The following DMD variants were observed in gnomAD, a reference collection of about 807,000 sequenced individuals.
DMD encodes the protein mutant dystrophin.
In DMD, 63 loss-of-function variants were observed where a neutral mutation model predicts 330.1. The observed-to-expected ratio is 0.19, with a 90% CI of 0.16 to 0.24. DMD has a LOEUF of 0.24. Ranked by LOEUF, DMD falls within the 10% of genes least tolerant of loss-of-function variation. The probability of loss-of-function intolerance (pLI) is 1.00; values close to 1 mark genes in which losing one functional copy is unlikely to be tolerated. For synonymous variants in DMD, 1,223 were observed against 959.8 expected (o/e 1.27, Z -5.07); for missense variants, 3,344 against 2,684.1 (o/e 1.25, Z -5.43).
intron 55 of DMD, among the ~76,000 whole-genome samples, chrX:31,583,205 G>A (rs2076420599): frequency 8.9e-6 from 1 of 111,908 alleles, no homozygotes; most frequent in Non-Finnish European, 1.9e-5. Flanking sequence ...GCCAAGAGGG[G>A]TACATAGGCA....
chrX:31,670,209 T>C (rs1260695661), intron 53 of DMD, among the ~76,000 whole-genome samples: 3 of 112,056 alleles, frequency 2.7e-5, no homozygotes, highest in East Asian at 5.5e-4. Flanking sequence ...CTTCAAAATT[T>C]TCTAATTACA....
chrX:32,322,966 A>G (rs1365829349), intron 41 of DMD, among the ~76,000 whole-genome samples: 3 of 112,457 alleles, frequency 2.7e-5, no homozygotes, highest in African/African-American at 9.7e-5. Flanking sequence ...GACATTTCTC[A>G]TGTGTTCCAA....
At chrX:31,556,023 T>C (rs765879193) in intron 55 of DMD, among the ~76,000 whole-genome samples, 1 of 110,982 alleles carries the variant, frequency 9.0e-6, no homozygotes, top group South Asian at 3.8e-4. Flanking sequence ...CAGAGGAAGT[T>C]TATCATAGGT....
At chrX:31,177,471 C>T (rs764995976) in intron 71 of DMD, among the ~76,000 whole-genome samples, 31 of 111,503 alleles carry the variant, frequency 2.8e-4, no homozygotes, top group African/African-American at 9.7e-4. Flanking sequence ...TACTTTAAAA[C>T]GAATTCTGCT....
chrX:32,268,274 G>C (rs779591247), intron 43 of DMD, among the ~76,000 whole-genome samples: 4 of 111,635 alleles, frequency 3.6e-5, no homozygotes, highest in Middle Eastern at 4.6e-3. Context: ...TTAGCCTAAA[G>C]TCTATCTTTG....
At chrX:32,986,263 T>G (rs1343748646) in intron 2 of DMD, among the ~76,000 whole-genome samples, 1 of 112,295 alleles carries the variant, frequency 8.9e-6, no homozygotes, top group African/African-American at 3.2e-5. Flanking sequence ...CTAAGTTAGA[T>G]AAATCAAAAC....
At chrX:31,827,125 GATAA>G (rs1048632248) in intron 49 of DMD, among the ~76,000 whole-genome samples, 7 of 111,658 alleles carry the variant, frequency 6.3e-5, no homozygotes, top group African/African-American at 1.9e-4. Context: ...ATTTAAAATG[GATAA>G]ATATTTAAGG....
chrX:33,202,762 C>A (rs1032079590), intron 1 of DMD, among the ~76,000 whole-genome samples: 6 of 111,679 alleles, frequency 5.4e-5, no homozygotes, highest in African/African-American at 6.5e-5. Context: ...TTGATTTGTA[C>A]CATGCTTTAT....
chrX:32,839,837 A>G (rs1422225159), intron 4 of DMD, among the ~76,000 whole-genome samples: 2 of 110,626 alleles, frequency 1.8e-5, no homozygotes, highest in African/African-American at 6.6e-5. Flanking sequence ...CAGCCTCATG[A>G]GTAGCTGGGA....
chrX:33,150,588 C>T (rs763607692), intron 1 of DMD, among the ~76,000 whole-genome samples: 3 of 109,718 alleles, frequency 2.7e-5, no homozygotes, highest in Non-Finnish European at 5.7e-5. Flanking sequence ...AGCCACTGCG[C>T]CTGGCCAGTA....
chrX:32,303,172 T>C (rs1301249910), intron 42 of DMD, among the ~76,000 whole-genome samples: 2 of 111,838 alleles, frequency 1.8e-5, no homozygotes, highest in Non-Finnish European at 3.8e-5. Flanking sequence ...GTCTAGATGA[T>C]TTAACTCAGT....
At chrX:31,228,621 A>G (rs1234989738) in intron 63 of DMD, among the ~76,000 whole-genome samples, 1 of 111,833 alleles carries the variant, frequency 8.9e-6, no homozygotes, top group Non-Finnish European at 1.9e-5. Context: ...GAAAGTATGT[A>G]TGCAGTTTAA....
intron 57 of DMD, among the ~76,000 whole-genome samples, chrX:31,482,564 GAAGTA>G (rs993878563): frequency 1.2e-4 from 13 of 111,250 alleles, no homozygotes; most frequent in Non-Finnish European, 2.3e-4. Flanking sequence ...ATGAAACACA[GAAGTA>G]AAGTAAGATC....
chrX:32,659,919 A>T (rs995236624), intron 9 of DMD, among the ~76,000 whole-genome samples: 4 of 110,842 alleles, frequency 3.6e-5, no homozygotes, highest in African/African-American at 1.3e-4. Context: ...GAATGGTATT[A>T]ATTCTTGGGA....
intron 41 of DMD, among the ~76,000 whole-genome samples, chrX:32,333,692 C>T (rs759514422): frequency 4.1e-4 from 45 of 111,105 alleles, no homozygotes; most frequent in African/African-American, 1.4e-3. Flanking sequence ...GCCTCTTCTC[C>T]ATTGTGGGTA....
chrX:32,742,916 G>A (rs921335209), intron 7 of DMD, among the ~76,000 whole-genome samples: 2 of 111,721 alleles, frequency 1.8e-5, no homozygotes, highest in South Asian at 3.8e-4. Flanking sequence ...AGAAACGAAG[G>A]CCAAGAGAGG....
At position 32,464,717 on chromosome X, in the gene DMD, A is replaced by G. The variant is rs72468662; in HGVS notation, c.3163-18T>C. ...ATGTGATTCTGAAACGAGACCCGTT[A>G]TAAGGCATTACTGGTGTGCTGATTA... On this transcript the variant is annotated intron_variant, in intron 23 of 78. Transcript: ENST00000357033. 5.2e-4 allele frequency: 560 copies of G among 1,067,085 alleles called. 3 individuals carry two copies. In the Middle Eastern group the frequency reaches 8.4e-3, roughly 16 times the overall value. 87.9% of individuals were successfully genotyped at this position (1,067,085 alleles called of 1,213,427 possible). A position where few individuals can be genotyped will look rare whatever the true frequency, so the allele number is the denominator to read the frequency against.
intron 55 of DMD, among the ~76,000 whole-genome samples, chrX:31,520,398 G>A (rs886815249): frequency 9.0e-6 from 1 of 111,179 alleles, no homozygotes; most frequent in Admixed American, 9.5e-5. Flanking sequence ...TTGTGAAGGT[G>A]CTTCCTTCCC....
intron 7 of DMD, among the ~76,000 whole-genome samples, chrX:32,749,497 G>A (rs1386388366): frequency 8.0e-5 from 9 of 112,190 alleles, no homozygotes; most frequent in Admixed American, 9.4e-5. Context: ...TTGCTCACAA[G>A]GTTATTAAAC....
Sources: gnomAD v4.1 joint callset for allele counts (sites outside exome capture counted in the v4.1 genomes callset) on GRCh38, gnomAD v4.1.1 for gene constraint, MANE v1.5 for transcripts, NCBI Gene and HGNC (gene_info 2026-07-23, HGNC 2026-07-21) for gene names.